The following TRIQK variants were observed in gnomAD, a reference collection of about 807,000 sequenced individuals.
TRIQK encodes the protein triple QxxK/R motif containing, also known as triple QxxK/R motif-containing protein.
A neutral mutation model predicts 10.8 loss-of-function variants in TRIQK; 10 were observed. That is an observed-to-expected ratio of 0.92 (90% confidence interval 0.57 to 1.57). TRIQK has a LOEUF of 1.57. TRIQK is among the 40% of genes most tolerant of loss of function. TRIQK has a pLI of 0.00. For missense variants in TRIQK, 107 were observed against 97.7 expected, an observed-to-expected ratio of 1.09 and a Z score of -0.40; for synonymous variants, 33 against 33.7, an observed-to-expected ratio of 0.98 and a Z score of 0.07.
At chr8:92,973,843 A>C (rs1282310475) in intron 1 of TRIQK, 1 of 152,196 alleles carries the variant, frequency 6.6e-6, no homozygotes, top group Non-Finnish European at 1.5e-5. Flanking sequence ...TTAAATGATC[A>C]CCACTGTATG....
chr8:92,934,129 G>T, intron 2 of TRIQK, among the ~76,000 whole-genome samples: 1 of 151,946 alleles, frequency 6.6e-6, no homozygotes, highest in East Asian at 1.9e-4. Flanking sequence ...TACATGGATA[G>T]TTTCCAAAAG....
chr8:92,976,848 T>C (rs1027010062), intron 1 of TRIQK, among the ~76,000 whole-genome samples: 1 of 152,018 alleles, frequency 6.6e-6, no homozygotes, highest in Admixed American at 6.6e-5. Flanking sequence ...TACCACCATC[T>C]ACCTTTAAGA....
At chr8:92,997,462 T>C (rs537018031) in intron 1 of TRIQK, among the ~76,000 whole-genome samples, 1 of 152,164 alleles carries the variant, frequency 6.6e-6, no homozygotes, top group East Asian at 1.9e-4. Context: ...AATTTATGTG[T>C]GTCTGTGTCA....
At chr8:93,001,310 A>C (rs1346542486) in intron 1 of TRIQK, among the ~76,000 whole-genome samples, 3 of 151,920 alleles carry the variant, frequency 2.0e-5, no homozygotes, top group South Asian at 2.1e-4. Context: ...CATCTCAAAA[A>C]AAAAAAAAAA....
In TRIQK at chr8:92,941,194, G is replaced by A. The variant is rs535266292; in HGVS notation, c.-22+13212C>T. ...CAATTCTCCTGCCTCAGCCTCCTAA[G>A]TAGCTGAGATGACAGGTGCCTGCCA... is the stretch of plus-strand genomic sequence containing the variant. On this transcript the variant is annotated intron_variant, in intron 2 of 4. Coordinates refer to ENST00000521988, the MANE Select transcript of TRIQK (RefSeq NM_001171797.2). 3 of 152,334 alleles carry A rather than the reference G, an allele frequency of 2.0e-5. No individual in the cohort carries two copies. In the East Asian group the frequency reaches 5.8e-4, roughly 29 times the overall value. The allele number at this position is 152,334 out of a possible 1,614,324, so 9.4% of individuals were successfully genotyped here.
At chr8:92,972,997 A>C (rs541378549) in intron 1 of TRIQK, 2 of 152,232 alleles carry the variant, frequency 1.3e-5, no homozygotes, top group Admixed American at 1.3e-4. Flanking sequence ...ATTTCTTGTG[A>C]TCTCACTTGC....
At chr8:93,010,859 A>T (rs1216534166) in intron 1 of TRIQK, among the ~76,000 whole-genome samples, 3 of 152,180 alleles carry the variant, frequency 2.0e-5, no homozygotes, top group Non-Finnish European at 2.9e-5. Context: ...AATTGTACAC[A>T]TATATGCTTC....
chr8:92,896,150 G>A (rs905846576), intron 3 of TRIQK, among the ~76,000 whole-genome samples: 2 of 152,158 alleles, frequency 1.3e-5, no homozygotes, highest in Non-Finnish European at 2.9e-5. Context: ...TGTATTCACT[G>A]CCTGGAGTTG....
intron 1 of TRIQK, among the ~76,000 whole-genome samples, chr8:92,960,204 A>G (rs1477556205): frequency 1.3e-5 from 2 of 151,850 alleles, no homozygotes; most frequent in African/African-American, 2.4e-5. Flanking sequence ...CTATTTGTCT[A>G]TCTATCTATC....
intron 2 of TRIQK, among the ~76,000 whole-genome samples, chr8:92,949,803 A>C (rs1432990739): frequency 9.8e-5 from 12 of 122,170 alleles, no homozygotes; most frequent in Non-Finnish European, 3.5e-5. Flanking sequence ...AGAAAGAAAG[A>C]AAGAAAGAAA....
rs371393303 is a variant in TRIQK at position 92,927,426 on chromosome 8, A to T, written c.-21-10416T>A. 4.0e-3 allele frequency among the ~76,000 whole-genome samples: 53 copies of T among 13,112 alleles called. No individual in the cohort carries two copies. The Admixed American group carries it at 0.067, about 17-fold the overall frequency. The allele number at this position is 13,112 out of a possible 152,430, so 8.6% of individuals were successfully genotyped here. ...AAGTTAAATAACCAAATTTGAAAGT[A>T]AAAAAAAAACAAATAACAAAATTTG... On this transcript the variant is annotated intron_variant, in intron 2 of 4. Coordinates refer to ENST00000521988, the MANE Select transcript of TRIQK (RefSeq NM_001171797.2).
At chr8:93,013,870 A>G (rs1303049638) in intron 1 of TRIQK, among the ~76,000 whole-genome samples, 1 of 152,202 alleles carries the variant, frequency 6.6e-6, no homozygotes, top group Non-Finnish European at 1.5e-5. Context: ...TTCAGAAAAC[A>G]GATGTCAGTT....
At chr8:92,912,333 A>G (rs1184735893) in intron 3 of TRIQK, among the ~76,000 whole-genome samples, 1 of 151,896 alleles carries the variant, frequency 6.6e-6, no homozygotes, top group Non-Finnish European at 1.5e-5. Flanking sequence ...ATCATTCAGT[A>G]AAAGAAATCA....
chr8:92,948,428 T>C (rs1167053700), intron 2 of TRIQK, among the ~76,000 whole-genome samples: 1 of 152,202 alleles, frequency 6.6e-6, no homozygotes, highest in Non-Finnish European at 1.5e-5. Context: ...TTTCTTCCTT[T>C]TCATGATTAA....
chr8:92,930,142 C>T (rs1425754592), intron 2 of TRIQK, among the ~76,000 whole-genome samples: 5 of 151,588 alleles, frequency 3.3e-5, no homozygotes, highest in Admixed American at 1.3e-4. Context: ...CTTTGGGAGG[C>T]CAAGGCGGGC....
At chr8:92,922,183 C>G (rs1563635187) in intron 2 of TRIQK, 1 of 151,682 alleles carries the variant, frequency 6.6e-6, no homozygotes, top group Non-Finnish European at 1.5e-5. Flanking sequence ...TATAGTCTTA[C>G]TTCTTATAAT....
At chr8:92,949,314 A>G (rs1811709219) in intron 2 of TRIQK, among the ~76,000 whole-genome samples, 1 of 152,116 alleles carries the variant, frequency 6.6e-6, no homozygotes, top group South Asian at 2.1e-4. Context: ...CTTTTTGGTG[A>G]TTAACTAAGA....
rs75195686 is a variant in TRIQK at position 92,887,138 on chromosome 8, T to G, written c.148-403A>C. 9.9e-5 allele frequency among the ~76,000 whole-genome samples: 15 copies of G among 151,714 alleles called. No homozygotes were observed. In the East Asian group the frequency reaches 2.7e-3, roughly 28 times the overall value. On this transcript the variant is annotated intron_variant, in intron 4 of 4. Transcript: ENST00000521988. ...TTATTTGTGGCTTCAATACATTCAG[T>G]ATTAATGATAGCATTTGGGCACAGT...
intron 1 of TRIQK, among the ~76,000 whole-genome samples, chr8:92,989,335 G>A (rs766155598): frequency 3.3e-5 from 5 of 152,110 alleles, no homozygotes; most frequent in Non-Finnish European, 7.4e-5. Context: ...GTACCAGTCC[G>A]TGATCTTTTA....
Sources: gnomAD v4.1 joint callset for allele counts (sites outside exome capture counted in the v4.1 genomes callset) on GRCh38, gnomAD v4.1.1 for gene constraint, MANE v1.5 for transcripts, NCBI Gene and HGNC (gene_info 2026-07-23, HGNC 2026-07-21) for gene names.